GSK3B: variants seen among roughly 807,000 people sequenced by gnomAD.
The protein encoded by GSK3B is glycogen synthase kinase-3 beta.
Under a neutral mutation model 56.4 loss-of-function variants are expected in GSK3B, and 15 were observed. The ratio of observed to expected loss-of-function variants is 0.27; its 90% CI spans 0.18 to 0.41. The LOEUF is 0.41. Among genes scored for constraint, GSK3B ranks in the 10% least tolerant of loss-of-function variants. The pLI is 1.00. For missense variants in GSK3B, 300 were observed against 513.4 expected (o/e 0.58, Z 4.02); for synonymous variants, 181 against 188.9 (o/e 0.96, Z 0.34).
intron 3 of GSK3B, 83 bp downstream of exon 3, chr3:119,947,185 G>C (rs1330188946): frequency 2.4e-6 from 2 of 845,736 alleles, no homozygotes; most frequent in Non-Finnish European, 4.0e-6. Flanking sequence ...TAGCAAAACT[G>C]TCTATGAGCG....
At chr3:119,961,152 G>A (rs1041025483) in intron 2 of GSK3B, among the ~76,000 whole-genome samples, 3 of 152,008 alleles carry the variant, frequency 2.0e-5, no homozygotes, top group African/African-American at 7.3e-5. Flanking sequence ...GAGCTGTGAT[G>A]TACCACTCTC....
chr3:119,926,356 C>CA (rs1327136088), intron 3 of GSK3B, among the ~76,000 whole-genome samples: 2 of 139,632 alleles, frequency 1.4e-5, no homozygotes, highest in African/African-American at 6.4e-5. Flanking sequence ...ACACACACAC[C>CA]CCTATACCCA....
At chr3:120,084,984 T>C (rs530359076) in intron 1 of GSK3B, among the ~76,000 whole-genome samples, 1 of 152,338 alleles carries the variant, frequency 6.6e-6, no homozygotes, top group South Asian at 2.1e-4. Flanking sequence ...ATAGAAATCA[T>C]TAATCCGTAA....
intron 2 of GSK3B, among the ~76,000 whole-genome samples, chr3:119,979,307 T>G (rs918065737): frequency 1.3e-5 from 2 of 152,098 alleles, no homozygotes; most frequent in South Asian, 4.1e-4. Context: ...ATAAAATCTT[T>G]CTTCTTATTA....
intron 8 of GSK3B, chr3:119,866,743 A>G: frequency 1.5e-6 from 1 of 684,738 alleles, no homozygotes; most frequent in Non-Finnish European, 2.6e-6. Context: ...GTGGGGGGGG[A>G]CATAGAAAAT....
At chr3:120,071,246 CTT>C in intron 1 of GSK3B, among the ~76,000 whole-genome samples, 1 of 152,304 alleles carries the variant, frequency 6.6e-6, no homozygotes, top group Admixed American at 6.5e-5. Flanking sequence ...TGTGATCACT[CTT>C]TTAGCTCCTC....
At chr3:119,985,065 C>G (rs2057502114) in intron 2 of GSK3B, among the ~76,000 whole-genome samples, 1 of 152,120 alleles carries the variant, frequency 6.6e-6, no homozygotes, top group African/African-American at 2.4e-5. Context: ...TAATCCATCA[C>G]ATAAACAGAA....
chr3:120,019,471 T>G (rs1037401814), intron 1 of GSK3B, among the ~76,000 whole-genome samples: 6 of 152,360 alleles, frequency 3.9e-5, no homozygotes, highest in Admixed American at 3.3e-4. Flanking sequence ...CTGCATTATT[T>G]GTGTGTCAAT....
intron 3 of GSK3B, among the ~76,000 whole-genome samples, chr3:119,939,014 G>T (rs1273669355): frequency 1.3e-5 from 2 of 150,346 alleles, no homozygotes; most frequent in African/African-American, 4.9e-5. Context: ...TAAAATACAA[G>T]AAAAATGTCA....
intron 1 of GSK3B, among the ~76,000 whole-genome samples, chr3:120,041,748 G>A (rs2058066473): frequency 6.6e-6 from 1 of 152,214 alleles, no homozygotes; most frequent in Non-Finnish European, 1.5e-5. Context: ...CTTCAGGACT[G>A]GGCGACAGTT....
chr3:119,928,691 G>A (rs1299999076), intron 3 of GSK3B, among the ~76,000 whole-genome samples: 1 of 149,070 alleles, frequency 6.7e-6, no homozygotes, highest in Non-Finnish European at 1.5e-5. Flanking sequence ...GAAGAAACAA[G>A]GACAAAGACA....
At chr3:119,952,889 C>T (rs187192903) in intron 2 of GSK3B, among the ~76,000 whole-genome samples, 1 of 151,922 alleles carries the variant, frequency 6.6e-6, no homozygotes, top group African/African-American at 2.4e-5. Flanking sequence ...CACATGTTAA[C>T]TGGAATTCAC....
At position 119,826,887 on chromosome 3, in the gene GSK3B, G is replaced by A. The variant is rs72548713; in HGVS notation, c.1196-32C>T. ...GTCAAAAAGTCCCAAGAGAGAGCAT[G>A]AGCAATGCTATAACAACAAAAGAGA... is the stretch of plus-strand genomic sequence containing the variant. On this transcript the variant is annotated intron_variant, in intron 10 of 10. Coordinates refer to ENST00000264235, the MANE Select transcript of GSK3B (RefSeq NM_001146156.2). 580 of 1,342,868 alleles carry A rather than the reference G, an allele frequency of 4.3e-4. 3 individuals are homozygous for A. The African/African-American group carries it at 6.3e-3, about 14-fold the overall frequency. The allele number at this position is 1,342,868 out of a possible 1,614,324, so 83.2% of individuals were successfully genotyped here.
chr3:120,017,742 T>C (rs1360131827), intron 1 of GSK3B, among the ~76,000 whole-genome samples: 1 of 152,224 alleles, frequency 6.6e-6, no homozygotes, highest in African/African-American at 2.4e-5. Context: ...ATTTAACAAC[T>C]AATACCCAAT....
At chr3:119,906,400 G>A (rs138877656) in intron 6 of GSK3B, among the ~76,000 whole-genome samples, 248 of 151,974 alleles carry the variant, frequency 1.6e-3, no homozygotes, top group African/African-American at 5.8e-3. Context: ...TAGCAATGAT[G>A]GAGGAATACA....
At chr3:119,943,295 A>T (rs2057067946) in intron 3 of GSK3B, among the ~76,000 whole-genome samples, 1 of 152,216 alleles carries the variant, frequency 6.6e-6, no homozygotes, top group Non-Finnish European at 1.5e-5. Context: ...AATTATGACA[A>T]GGCCACAGGG....
At chr3:119,970,102 T>C (rs1226723534) in intron 2 of GSK3B, among the ~76,000 whole-genome samples, 2 of 152,230 alleles carry the variant, frequency 1.3e-5, no homozygotes, top group Non-Finnish European at 2.9e-5. Context: ...GTCATATTAT[T>C]GTTGTTAATC....
rs2058532895 is a variant in GSK3B, at chr3:120,093,546, G to C, written c.-112C>G. On this transcript the variant is annotated 5_prime_UTR_variant, in exon 1 of 11. Coordinates refer to ENST00000264235, the MANE Select transcript of GSK3B (RefSeq NM_001146156.2). ...TGCAGCATTAAGTTCTCCCACAGAA[G>C]AAAAAGAAAAAGACTTCGTCCTCTT... 1.5e-6 allele frequency: 1 copy of C among 675,958 alleles called. No homozygotes were observed. The highest frequency in any genetic ancestry group is 1.8e-5 in the African/African-American group (1 of 55,700). The allele number at this position is 675,958 out of a possible 1,614,324, so 41.9% of individuals were successfully genotyped here. A position where few individuals can be genotyped will look rare whatever the true frequency, so the allele number is the denominator to read the frequency against.
intron 1 of GSK3B, among the ~76,000 whole-genome samples, chr3:120,014,116 C>G (rs2057803549): frequency 7.6e-6 from 1 of 131,816 alleles, no homozygotes; most frequent in Non-Finnish European, 1.6e-5. Flanking sequence ...GCCTGGGAGA[C>G]AGAGTGAGAC....
Sources: allele counts gnomAD v4.1 joint callset (sites outside exome capture counted in the v4.1 genomes callset), GRCh38; gene constraint gnomAD v4.1.1; transcripts MANE v1.5; gene names NCBI Gene and HGNC (gene_info 2026-07-23, HGNC 2026-07-21).